The following ECT2L variants were observed in gnomAD, a reference collection of about 807,000 sequenced individuals.
ECT2L encodes the protein epithelial cell-transforming sequence 2 oncogene-like.
ECT2L carries 126 observed loss-of-function variants against 122.8 expected under a neutral mutation model. That is an observed-to-expected ratio of 1.03 (90% CI 0.89 to 1.19). The LOEUF is 1.19. ECT2L is among the 50% of genes most tolerant of loss of function. ECT2L has a pLI of 0.00. For synonymous variants in ECT2L, 385 were observed against 381.8 expected, an observed-to-expected ratio of 1.01 and a Z score of -0.10; for missense variants, 1,012 against 1,064.1, an observed-to-expected ratio of 0.95 and a Z score of 0.68.
At chr6:138,874,876 T>C (rs1778386002) in intron 13 of ECT2L, among the ~76,000 whole-genome samples, 1 of 151,986 alleles carries the variant, frequency 6.6e-6, no homozygotes, top group South Asian at 2.1e-4. Context: ...GGAGGAACAC[T>C]TGAATTTGAG....
chr6:138,895,921 AAT>A (rs1325897243), intron 20 of ECT2L, among the ~76,000 whole-genome samples: 1 of 152,098 alleles, frequency 6.6e-6, no homozygotes, highest in African/African-American at 2.4e-5. Flanking sequence ...TGAAATTTAA[AAT>A]AGAGATGAAG....
chr6:138,846,534 C>T lies in ECT2L; in HGVS notation c.765-5C>T. ...AAACTTCTCATATTTCCTTTTACTC[C>T]ATAGAAGCAATATTTCTGGAAGCCA... is the stretch of plus-strand genomic sequence containing the variant. On this transcript the variant is annotated splice_polypyrimidine_tract_variant and splice_region_variant and intron_variant, in intron 7 of 21. Coordinates refer to ENST00000541398, the MANE Select transcript of ECT2L (RefSeq NM_001077706.3). 6.3e-7 allele frequency: 1 copy of T among 1,580,048 alleles called. No individual in the cohort carries two copies. Among genetic ancestry groups the T allele is most frequent in the South Asian group, 1.2e-5 (1 of 84,264 alleles).
At chr6:138,891,008 T>C (rs897193713) in intron 20 of ECT2L, among the ~76,000 whole-genome samples, 1 of 152,198 alleles carries the variant, frequency 6.6e-6, no homozygotes, top group South Asian at 2.1e-4. Flanking sequence ...GGACTCCTCC[T>C]CTCGGCCAAG....
chr6:138,841,112 C>G (rs898199024), intron 5 of ECT2L, among the ~76,000 whole-genome samples: 12 of 152,182 alleles, frequency 7.9e-5, no homozygotes, highest in African/African-American at 2.4e-4. Flanking sequence ...TGATTTAATT[C>G]TTTTGCCAAA....
intron 10 of ECT2L, 79 bp from the exon 11 acceptor site, chr6:138,862,548 G>T: frequency 7.3e-7 from 1 of 1,366,570 alleles, no homozygotes. Context: ...GAGATTTGGA[G>T]GGAACAAATA....
intron 13 of ECT2L, among the ~76,000 whole-genome samples, chr6:138,874,160 G>C (rs545732911): frequency 1.3e-5 from 2 of 152,138 alleles, no homozygotes; most frequent in South Asian, 4.2e-4. Flanking sequence ...TGACTAGAAT[G>C]TCTCTGGAAA....
At chr6:138,879,406 A>G (rs1320995186) in intron 14 of ECT2L, 3 of 152,390 alleles carry the variant, frequency 2.0e-5, no homozygotes, top group African/African-American at 4.8e-5. Flanking sequence ...AGTGTGGGGT[A>G]TACTTAGGGC....
chr6:138,869,506 T>C (rs1232257635), intron 13 of ECT2L, among the ~76,000 whole-genome samples: 1 of 152,204 alleles, frequency 6.6e-6, no homozygotes, highest in African/African-American at 2.4e-5. Flanking sequence ...GTTTGTCTCC[T>C]GTGAAGTCTC....
At chr6:138,812,114 A>G (rs1273601830) in intron 1 of ECT2L, among the ~76,000 whole-genome samples, 5 of 152,230 alleles carry the variant, frequency 3.3e-5, no homozygotes, top group Non-Finnish European at 5.9e-5. Context: ...CTGCATGCAC[A>G]TGGAAGAAAG....
At position 138,902,929 on chromosome 6, in the gene ECT2L, T is replaced by C. The variant is rs1779453595; in HGVS notation, c.*302T>C. 3.6e-6 allele frequency: 1 copy of C among 277,098 alleles called. No homozygotes were observed. Among genetic ancestry groups the C allele is most frequent in the Non-Finnish European group, 6.8e-6 (1 of 147,846 alleles). The allele number at this position is 277,098 out of a possible 1,614,324, so 17.2% of individuals were successfully genotyped here. On this transcript the variant is annotated 3_prime_UTR_variant, in exon 22 of 22. Coordinates refer to ENST00000541398, the MANE Select transcript of ECT2L (RefSeq NM_001077706.3). ...AACCTAAGACAGAGCAAGCACATTG[T>C]GTAAAGCTTTGTTTTATGATCTAAT...
intron 4 of ECT2L, among the ~76,000 whole-genome samples, chr6:138,825,907 T>C: frequency 6.6e-6 from 1 of 152,252 alleles, no homozygotes; most frequent in East Asian, 1.9e-4. Flanking sequence ...CTTCACACTC[T>C]GAACACCCAG....
intron 13 of ECT2L, 32 bp from the exon 14 acceptor site, chr6:138,876,440 C>A (rs367935105): frequency 6.6e-7 from 1 of 1,517,754 alleles, no homozygotes. Context: ...CAAGACCTGC[C>A]TCCAATAACC....
At chr6:138,844,653 C>G in intron 7 of ECT2L, 73 bp downstream of exon 7, 2 of 1,397,230 alleles carry the variant, frequency 1.4e-6, no homozygotes, top group East Asian at 2.4e-5. Context: ...ATAAATTTAG[C>G]TATCACGCAG....
intron 13 of ECT2L, among the ~76,000 whole-genome samples, chr6:138,873,687 G>A (rs748669432): frequency 6.6e-6 from 1 of 152,114 alleles, no homozygotes; most frequent in Non-Finnish European, 1.5e-5. Context: ...CCAGCTACTC[G>A]GGAGTCTGAG....
At chr6:138,877,031 GCA>G (rs1468868573) in intron 14 of ECT2L, among the ~76,000 whole-genome samples, 1 of 152,138 alleles carries the variant, frequency 6.6e-6, no homozygotes, top group Non-Finnish European at 1.5e-5. Flanking sequence ...CACGGCATGG[GCA>G]CACTGTTTTG....
At chr6:138,839,971 T>A (rs7757218) in intron 5 of ECT2L, among the ~76,000 whole-genome samples, 57,265 of 151,960 alleles carry the variant, frequency 0.38, 11,236 homozygotes, top group South Asian at 0.55. Context: ...TTAAAGATTT[T>A]TATTTTATAT....
intron 4 of ECT2L, among the ~76,000 whole-genome samples, chr6:138,837,628 G>C (rs1776884277): frequency 7.7e-6 from 1 of 130,268 alleles, no homozygotes. Context: ...GTTTCTTCTA[G>C]AAGCACTGGT....
intron 1 of ECT2L, among the ~76,000 whole-genome samples, chr6:138,801,507 T>A (rs1775541498): frequency 6.6e-6 from 1 of 152,094 alleles, no homozygotes. Context: ...ATCCCAGCAC[T>A]TTGGGAGGCT....
intron 1 of ECT2L, among the ~76,000 whole-genome samples, chr6:138,796,922 C>A (rs1471636611): frequency 6.6e-6 from 1 of 152,206 alleles, no homozygotes; most frequent in African/African-American, 2.4e-5. Flanking sequence ...TCATGCTCTA[C>A]AAACACTTAT....
Sources: gnomAD v4.1 joint callset for allele counts (sites outside exome capture counted in the v4.1 genomes callset) on GRCh38, gnomAD v4.1.1 for gene constraint, MANE v1.5 for transcripts, NCBI Gene and HGNC (gene_info 2026-07-23, HGNC 2026-07-21) for gene names.